COL18A1: variants seen among roughly 807,000 people sequenced by gnomAD.
COL18A1 encodes the protein collagen type XVIII alpha 1 chain.
Under a neutral mutation model 168.0 loss-of-function variants are expected in COL18A1, and 133 were observed. The observed-to-expected ratio is 0.79, with a 90% CI of 0.69 to 0.91. The LOEUF (loss-of-function observed/expected upper bound fraction) is 0.91, where lower values mean the gene tolerates loss of function less well. Ranked by LOEUF, COL18A1 falls within the 40% of genes least tolerant of loss-of-function variation. The pLI, the probability that COL18A1 is intolerant of heterozygous loss-of-function variation, is 0.00. For synonymous variants in COL18A1, 949 were observed against 809.0 expected (o/e 1.17, Z -2.94); for missense variants, 2,126 against 1,925.4 (o/e 1.10, Z -1.95).
intron 17 of COL18A1, 57 bp from the exon 18 acceptor site, chr21:45,488,361 G>C: frequency 6.2e-7 from 1 of 1,611,914 alleles, no homozygotes. Flanking sequence ...TGCGGCAGAC[G>C]CATCTCACAG....
intron 26 of COL18A1, 149 bp downstream of exon 26, chr21:45,493,724 C>T (rs548097057): frequency 1.9e-4 from 126 of 648,500 alleles, no homozygotes; most frequent in Non-Finnish European, 3.1e-4. Flanking sequence ...CCTGGTGGCC[C>T]CTCCTTTCTC....
intron 8 of COL18A1, 89 bp downstream of exon 8, chr21:45,478,054 G>T: frequency 3.8e-6 from 3 of 794,012 alleles, no homozygotes; most frequent in Non-Finnish European, 6.2e-6. Flanking sequence ...ACATGGGAGT[G>T]AGCTGAGCTG....
chr21:45,497,576 G>A, intron 31 of COL18A1, 23 bp from the exon 32 acceptor site: 1 of 1,554,324 alleles, frequency 6.4e-7, no homozygotes, highest in Non-Finnish European at 8.7e-7. Flanking sequence ...TTCCTGATGG[G>A]CACTGGGTCT....
chr21:45,495,651 C>A, intron 29 of COL18A1: 1 of 559,562 alleles, frequency 1.8e-6, no homozygotes, highest in Admixed American at 2.6e-5. Context: ...TGGCCGTACT[C>A]ATACATGTGT....
Position 45,405,181 on chromosome 21 carries a change from C to T in COL18A1, c.-50C>T. 1 of 337,470 alleles carries T rather than the reference C, an allele frequency of 3.0e-6. No individual in the cohort carries two copies. The allele number at this position is 337,470 out of a possible 1,614,324, so 20.9% of individuals were successfully genotyped here. A position where few individuals can be genotyped will look rare whatever the true frequency, so the allele number is the denominator to read the frequency against. On this transcript the variant is annotated 5_prime_UTR_variant, in exon 1 of 42. Transcript: ENST00000651438. ...CAGCGCGGCGGTCCGAGCGGGTGCA[C>T]CGCGGCGGAGGAGGCAGCATCCCGC... is the stretch of plus-strand genomic sequence containing the variant.
chr21:45,475,416 C>G, intron 4 of COL18A1, 60 bp from the exon 5 acceptor site: 1 of 1,479,900 alleles, frequency 6.8e-7, no homozygotes, highest in African/African-American at 1.4e-5. Flanking sequence ...CCAGGCCTGC[C>G]GGGCTCGGGG....
intron 2 of COL18A1, among the ~76,000 whole-genome samples, chr21:45,415,094 C>A (rs2033403482): frequency 6.6e-6 from 1 of 152,174 alleles, no homozygotes; most frequent in Non-Finnish European, 1.5e-5. Flanking sequence ...TGCTTTAAGA[C>A]ACTGACTGAC....
In COL18A1 at chr21:45,468,389, C is replaced by T; in HGVS notation, c.254C>T (p.Pro85Leu). 1 of 1,614,008 alleles carries T rather than the reference C, an allele frequency of 6.2e-7. No homozygotes were observed. Among genetic ancestry groups the T allele is most frequent in the Non-Finnish European group, 8.5e-7 (1 of 1,180,052 alleles). ...NSGQVARYHF[P>L]SLFFRDFSLL... ...GGCCAAGTGGCCCGGTACCACTTCC[C>T]CAGCCTCTTCTTCCGTGACTTCTCA... Residue 85 changes from proline to leucine, a missense_variant, in exon 3 of 42, where the codon CCC becomes CTC. Coordinates refer to ENST00000651438, the MANE Select transcript of COL18A1 (RefSeq NM_001379500.1).
At chr21:45,503,753 T>A (rs532535363) in intron 32 of COL18A1, among the ~76,000 whole-genome samples, 26 of 151,930 alleles carry the variant, frequency 1.7e-4, no homozygotes, top group South Asian at 6.2e-4. Context: ...AACCTGCACA[T>A]CATGCACATG....
Position 45,480,761 on chromosome 21 carries a change from C to A in COL18A1, c.1514C>A (p.Pro505Gln). 1 of 1,611,228 alleles carries A rather than the reference C, an allele frequency of 6.2e-7. No individual in the cohort carries two copies. Among genetic ancestry groups the A allele is most frequent in the Non-Finnish European group, 8.5e-7 (1 of 1,179,888 alleles). ...GGTGTCCCAGGCCTGCCCGGCGAGC[C>A]AGGCCGCTTTGGGGTGAACAGCTCC... ...PPGVPGLPGE[P>Q]GRFGVNSSDV... Residue 505 changes from proline to glutamine, a missense_variant, in exon 13 of 42, where the codon CCA (proline) becomes CAA (glutamine). Physicochemically the swap from Pro to Gln is moderately conservative, Grantham distance 76 (BLOSUM62 -1). Coordinates refer to ENST00000651438, the MANE Select transcript of COL18A1 (RefSeq NM_001379500.1).
chr21:45,415,348 G>A (rs185539655), intron 2 of COL18A1, among the ~76,000 whole-genome samples: 20 of 152,264 alleles, frequency 1.3e-4, no homozygotes, highest in Admixed American at 1.0e-3. Flanking sequence ...ATGAGTCCTC[G>A]GCCTTCGGAA....
intron 20 of COL18A1, 52 bp from the exon 21 acceptor site, chr21:45,490,784 C>T: frequency 6.5e-7 from 1 of 1,534,970 alleles, no homozygotes; most frequent in South Asian, 1.2e-5. Flanking sequence ...CACGGGGGGC[C>T]AGGGGCTCCT....
In COL18A1 at chr21:45,489,501, C is replaced by T. The variant is rs1175856480; in HGVS notation, c.1939C>T (p.Pro647Ser). Residue 647 changes from proline (P) to serine (S), a missense_variant, in exon 19 of 42, where the codon CCT (proline) becomes TCT (serine). Transcript: ENST00000651438. ...TTTCACTTAGGGGGATCCTGGCGTG[C>T]CTGGGCTGCCGGGGGCGAAGGTAAG... is the stretch of plus-strand genomic sequence containing the variant. ...LPGLKGDPGVPGLPGAKGEVG... is the reference protein window; with the variant it reads ...LPGLKGDPGVSGLPGAKGEVG... 6.2e-7 allele frequency: 1 copy of T among 1,603,256 alleles called. No individual in the cohort carries two copies. The highest frequency in any genetic ancestry group is 1.7e-5 in the Admixed American group (1 of 59,086).
rs569979790 is a variant in COL18A1 at position 45,452,636 on chromosome 21, A to G, written c.107-15606A>G. Among the ~76,000 whole-genome samples the G allele has an allele frequency of 1.7e-4, 25 of 143,114 alleles. No individual in the cohort carries two copies. The South Asian group carries it at 4.2e-3, about 24-fold the overall frequency. The allele number at this position is 143,114 out of a possible 152,430, so 93.9% of individuals were successfully genotyped here. A position where few individuals can be genotyped will look rare whatever the true frequency, so the allele number is the denominator to read the frequency against. ...GAGCATTTGTATCTGACATGTAAGC[A>G]TGTGTGTGTGAGCTTGTGTATGCAT... On this transcript the variant is annotated intron_variant, in intron 2 of 41. Transcript: ENST00000651438.
chr21:45,489,166 AT>A (rs1387304098), intron 18 of COL18A1, among the ~76,000 whole-genome samples: 1 of 152,220 alleles, frequency 6.6e-6, no homozygotes, highest in Non-Finnish European at 1.5e-5. Context: ...AGGCTGACTT[AT>A]GGGAAGGGCC....
chr21:45,438,091 C>T (rs2034241475), intron 2 of COL18A1, among the ~76,000 whole-genome samples: 1 of 99,410 alleles, frequency 1.0e-5, no homozygotes, highest in Non-Finnish European at 1.9e-5. Flanking sequence ...CTCTCCTGCA[C>T]ACACTCACAC....
At chr21:45,419,725 AC>A (rs2033561115) in intron 2 of COL18A1, 1 of 152,198 alleles carries the variant, frequency 6.6e-6, no homozygotes, top group South Asian at 2.1e-4. Flanking sequence ...TGATTTTTAA[AC>A]AGTTTTATTT....
chr21:45,510,064 C>A lies in COL18A1; in HGVS notation c.3496C>A (p.Leu1166Ile). 6.4e-7 allele frequency: 1 copy of A among 1,562,474 alleles called. No homozygotes were observed. Among genetic ancestry groups the A allele is most frequent in the Admixed American group, 1.8e-5 (1 of 54,500 alleles). Residue 1166 changes from leucine (L) to isoleucine (I), a missense_variant and splice_region_variant, in exon 40 of 42, where the codon CTC becomes ATC. By Grantham distance (5) the Leu-to-Ile change is conservative. Coordinates refer to ENST00000651438, the MANE Select transcript of COL18A1 (RefSeq NM_001379500.1). ...AHSHRDFQPVLHLVALNSPLS... is the reference protein window; with the variant it reads ...AHSHRDFQPVIHLVALNSPLS... ...CCGTGACGCGCCCCTCTCCCCGCAG[C>A]TCCACCTGGTTGCGCTCAACAGCCC...
Position 45,493,547 on chromosome 21 carries a change from C to A in COL18A1, c.2324C>A (p.Ala775Asp), listed in dbSNP as rs1402338131. The A allele has an allele frequency of 1.3e-6, 2 of 1,558,194 alleles. No homozygotes were observed. The highest frequency in any genetic ancestry group is 3.8e-5 in the Admixed American group (2 of 51,970). ...AGCATCTTCAGCCCCGACGGCGGTG[C>A]CCTGGGCCCTGCCCAGAAAGGAGCC... ...PGSIFSPDGG[A>D]LGPAQKGAKG... The change falls in exon 26 of 42, where the codon GCC becomes GAC. Residue 775 changes from alanine to aspartate, a missense_variant. Ala to Asp is a moderately radical substitution (Grantham distance 126, BLOSUM62 -2). Coordinates refer to ENST00000651438, the MANE Select transcript of COL18A1 (RefSeq NM_001379500.1).
Sources: allele counts gnomAD v4.1 joint callset (sites outside exome capture counted in the v4.1 genomes callset), GRCh38; gene constraint gnomAD v4.1.1; transcripts MANE v1.5; gene names NCBI Gene and HGNC (gene_info 2026-07-23, HGNC 2026-07-21).